The following CATSPERT variants were observed in gnomAD, a reference collection of about 807,000 sequenced individuals.
The protein encoded by CATSPERT is catsper channel auxiliary subunit tau.
the CATSPERT span, among the ~76,000 whole-genome samples, chr2:201,519,419 A>T: frequency 6.6e-6 from 1 of 152,334 alleles, no homozygotes; most frequent in Non-Finnish European, 1.5e-5. Flanking sequence ...ATTACACCAG[A>T]TATGTGAAAT....
At chr2:201,569,383 G>T in the CATSPERT span, among the ~76,000 whole-genome samples, 2 of 152,146 alleles carry the variant, frequency 1.3e-5, no homozygotes, top group African/African-American at 4.8e-5. Context: ...AGGAACACAT[G>T]ATCAGACAGC....
the CATSPERT span, chr2:201,565,703 GA>G: frequency 2.7e-6 from 3 of 1,117,182 alleles, no homozygotes; most frequent in East Asian, 2.8e-5. Flanking sequence ...GAGCTCTTTT[GA>G]ATTTTTTTTT....
chr2:201,570,608 G>T, the CATSPERT span, among the ~76,000 whole-genome samples: 1 of 152,088 alleles, frequency 6.6e-6, no homozygotes, highest in African/African-American at 2.4e-5. Flanking sequence ...TAAGTAACTT[G>T]CCCAAGGTCA....
At chr2:201,578,116 ATAC>A in the CATSPERT span, among the ~76,000 whole-genome samples, 5 of 152,178 alleles carry the variant, frequency 3.3e-5, no homozygotes, top group African/African-American at 9.6e-5. Flanking sequence ...TATTAGAAAC[ATAC>A]TACATTTAGA....
At chr2:201,601,754 C>T in the CATSPERT span, 6 of 1,611,240 alleles carry the variant, frequency 3.7e-6, no homozygotes, top group South Asian at 4.4e-5. Flanking sequence ...CAGAAAAATA[C>T]TTCACTTCAT....
At chr2:201,544,022 C>T in the CATSPERT span, among the ~76,000 whole-genome samples, 9 of 152,122 alleles carry the variant, frequency 5.9e-5, no homozygotes, top group Non-Finnish European at 1.0e-4. Context: ...CCCCATCCCA[C>T]GACAGGCCCC....
At chr2:201,597,348 C>G in the CATSPERT span, among the ~76,000 whole-genome samples, 29 of 152,324 alleles carry the variant, frequency 1.9e-4, no homozygotes, top group African/African-American at 6.7e-4. Context: ...TTACCCTGTA[C>G]ACACCCAACT....
the CATSPERT span, chr2:201,537,448 A>G: frequency 6.3e-7 from 1 of 1,592,048 alleles, no homozygotes; most frequent in East Asian, 2.2e-5. Flanking sequence ...CATTTGCAGT[A>G]GTTTCAGCTT....
At chr2:201,616,966 A>G in the CATSPERT span, among the ~76,000 whole-genome samples, 1 of 152,206 alleles carries the variant, frequency 6.6e-6, no homozygotes, top group Non-Finnish European at 1.5e-5. Flanking sequence ...CAATTGCTTC[A>G]AAGAGAATAA....
At chr2:201,590,234 C>T in the CATSPERT span, among the ~76,000 whole-genome samples, 8 of 137,084 alleles carry the variant, frequency 5.8e-5, no homozygotes, top group Middle Eastern at 3.5e-3. Context: ...GAATATGTGG[C>T]GTTTGGTTTT....
chr2:201,577,392 C>G, the CATSPERT span, among the ~76,000 whole-genome samples: 1 of 152,178 alleles, frequency 6.6e-6, no homozygotes, highest in African/African-American at 2.4e-5. Context: ...CCAGCAATCT[C>G]ACTTCGAGTA....
chr2:201,508,000 C>T, the CATSPERT span, among the ~76,000 whole-genome samples: 6 of 152,094 alleles, frequency 3.9e-5, no homozygotes, highest in South Asian at 6.2e-4. Context: ...CCTCCCCCGA[C>T]GTGGGGATTA....
chr2:201,489,146 C>T, the CATSPERT span, among the ~76,000 whole-genome samples: 2 of 152,146 alleles, frequency 1.3e-5, no homozygotes, highest in African/African-American at 2.4e-5. Flanking sequence ...TGCCCTCTTA[C>T]CACACAATTA....
the CATSPERT span, among the ~76,000 whole-genome samples, chr2:201,580,575 T>C: frequency 6.6e-6 from 1 of 152,216 alleles, no homozygotes; most frequent in African/African-American, 2.4e-5. Context: ...GAATTTTCCT[T>C]TATTCAGAAT....
At chr2:201,496,766 G>C in the CATSPERT span, among the ~76,000 whole-genome samples, 2 of 152,240 alleles carry the variant, frequency 1.3e-5, no homozygotes, top group Non-Finnish European at 2.9e-5. Context: ...TGAATTTTTA[G>C]AGATGGAAGT....
chr2:201,519,604 A>G, the CATSPERT span, among the ~76,000 whole-genome samples: 1 of 152,188 alleles, frequency 6.6e-6, no homozygotes, highest in Non-Finnish European at 1.5e-5. Flanking sequence ...TGAGGATTCA[A>G]TGAAATCAGG....
chr2:201,521,793 A>T, the CATSPERT span, among the ~76,000 whole-genome samples: 1 of 152,236 alleles, frequency 6.6e-6, no homozygotes, highest in South Asian at 2.1e-4. Flanking sequence ...ATACAACATG[A>T]TCAAGTGGGA....
chr2:201,566,950 A>G, the CATSPERT span, among the ~76,000 whole-genome samples: 1 of 152,210 alleles, frequency 6.6e-6, no homozygotes. Flanking sequence ...TTTCATATAT[A>G]AGAAAGCTAG....
At chr2:201,530,467 C>T in the CATSPERT span, among the ~76,000 whole-genome samples, 1,764 of 152,246 alleles carry the variant, frequency 0.012, 35 homozygotes, top group African/African-American at 0.039. Context: ...TTGCAAGGTG[C>T]ATTTCACATG....
Sources: allele counts gnomAD v4.1 joint callset (sites outside exome capture counted in the v4.1 genomes callset), GRCh38; gene constraint gnomAD v4.1.1; transcripts MANE v1.5; gene names NCBI Gene and HGNC (gene_info 2026-07-23, HGNC 2026-07-21).